CATSPERE: variants seen among roughly 807,000 people sequenced by gnomAD.
CATSPERE encodes catsper channel auxiliary subunit epsilon.
In CATSPERE, 93 loss-of-function variants were observed where a neutral mutation model predicts 114.1. That is an observed-to-expected ratio of 0.81 (90% CI 0.69 to 0.97). The LOEUF (loss-of-function observed/expected upper bound fraction) is 0.97, where lower values mean the gene tolerates loss of function less well. CATSPERE is among the 50% of genes least tolerant of loss of function. CATSPERE has a pLI of 0.00. For missense variants in CATSPERE, 1,058 were observed against 1,131.6 expected, an observed-to-expected ratio of 0.93 and a Z score of 0.93; for synonymous variants, 341 against 384.1, an observed-to-expected ratio of 0.89 and a Z score of 1.31.
chr1:244,463,355 A>G (rs891370922), intron 1 of CATSPERE, among the ~76,000 whole-genome samples: 1 of 152,036 alleles, frequency 6.6e-6, no homozygotes, highest in African/African-American at 2.4e-5. Context: ...TCGCAGCAAC[A>G]TGGCAAAACC....
chr1:244,499,204 G>A, intron 7 of CATSPERE, 125 bp downstream of exon 7: 1 of 574,770 alleles, frequency 1.7e-6, no homozygotes, highest in Non-Finnish European at 3.1e-6. Context: ...AAATACATTT[G>A]CATGATCCCT....
At chr1:244,518,004 C>T (rs1676921635) in intron 7 of CATSPERE, among the ~76,000 whole-genome samples, 1 of 151,984 alleles carries the variant, frequency 6.6e-6, no homozygotes, top group African/African-American at 2.4e-5. Context: ...CTAGACTAGC[C>T]CTCATCATCT....
intron 19 of CATSPERE, among the ~76,000 whole-genome samples, chr1:244,617,231 A>G (rs893080807): frequency 2.6e-5 from 4 of 152,210 alleles, no homozygotes; most frequent in Admixed American, 6.5e-5. Context: ...TCTGTCCCCA[A>G]TTAAGCATCT....
At chr1:244,549,506 C>A (rs1192664408) in intron 8 of CATSPERE, among the ~76,000 whole-genome samples, 2 of 152,020 alleles carry the variant, frequency 1.3e-5, no homozygotes, top group African/African-American at 2.4e-5. Flanking sequence ...TGTAACATAA[C>A]ATGTATTAAC....
At chr1:244,546,865 G>A (rs1257694520) in intron 8 of CATSPERE, among the ~76,000 whole-genome samples, 9 of 152,276 alleles carry the variant, frequency 5.9e-5, no homozygotes, top group South Asian at 2.1e-4. Flanking sequence ...AAATGCTTAC[G>A]TCATTGGGGT....
chr1:244,494,858 A>T (rs1179552184), intron 6 of CATSPERE, among the ~76,000 whole-genome samples: 2 of 152,230 alleles, frequency 1.3e-5, no homozygotes, highest in African/African-American at 4.8e-5. Context: ...ATGTGCCCAT[A>T]ACTACTCCTA....
intron 8 of CATSPERE, among the ~76,000 whole-genome samples, chr1:244,527,256 G>A (rs566862615): frequency 2.0e-5 from 3 of 152,214 alleles, no homozygotes; most frequent in Admixed American, 6.5e-5. Context: ...AGCTGCAACC[G>A]TAAAAGAGAG....
intron 9 of CATSPERE, among the ~76,000 whole-genome samples, chr1:244,559,994 A>T (rs1014336453): frequency 2.0e-5 from 3 of 151,960 alleles, no homozygotes; most frequent in South Asian, 2.1e-4. Context: ...TTTAATTTTT[A>T]TTTATTTATT....
intron 21 of CATSPERE, among the ~76,000 whole-genome samples, chr1:244,638,923 C>T (rs1245264282): frequency 6.6e-6 from 1 of 152,176 alleles, no homozygotes. Context: ...TTCATAACTG[C>T]CTTTTCTACC....
chr1:244,638,055 T>C (rs1674856266), intron 21 of CATSPERE, among the ~76,000 whole-genome samples: 1 of 152,218 alleles, frequency 6.6e-6, no homozygotes, highest in African/African-American at 2.4e-5. Flanking sequence ...AAATGAATTA[T>C]TCCTTCTCTC....
chr1:244,615,001 G>C (rs1344332192), intron 19 of CATSPERE, among the ~76,000 whole-genome samples: 1 of 151,912 alleles, frequency 6.6e-6, no homozygotes, highest in East Asian at 1.9e-4. Context: ...CTGGCACTCT[G>C]ATGAACGACC....
chr1:244,554,272 G>A (rs1445098892), intron 9 of CATSPERE, among the ~76,000 whole-genome samples: 3 of 152,120 alleles, frequency 2.0e-5, no homozygotes, highest in Non-Finnish European at 4.4e-5. Context: ...TTTTCATAGC[G>A]GTCGTACTAA....
Position 244,568,655 on chromosome 1 carries a change from G to A in CATSPERE, c.1508-3675G>A, listed in dbSNP as rs554945791. Among the ~76,000 whole-genome samples, 44 of 152,272 alleles carry A rather than the reference G, an allele frequency of 2.9e-4. 1 individual carries two copies. The highest frequency in any genetic ancestry group is 3.4e-3 in the Middle Eastern group (1 of 294). ...TTATTTCCACTGTGAGGGGAAAACC[G>A]CCTACTCAAGCCTCAGTAATGGCAG... On this transcript the variant is annotated intron_variant, in intron 10 of 21. Transcript: ENST00000366534. This position sits in a 1 kb window ranked among gnomAD's most constrained non-coding sequence, Gnocchi z 4.4.
At chr1:244,579,827 A>G (rs1011118989) in intron 11 of CATSPERE, among the ~76,000 whole-genome samples, 1 of 152,244 alleles carries the variant, frequency 6.6e-6, no homozygotes, top group Non-Finnish European at 1.5e-5. Flanking sequence ...AATAGTAATG[A>G]AAGTAACTAC....
chr1:244,487,448 C>T (rs1312823664), intron 5 of CATSPERE, among the ~76,000 whole-genome samples: 2 of 152,152 alleles, frequency 1.3e-5, no homozygotes, highest in African/African-American at 2.4e-5. Context: ...GAGGGTATTG[C>T]AGCCTCTACA....
At chr1:244,493,540 G>A (rs1268018136) in intron 6 of CATSPERE, among the ~76,000 whole-genome samples, 1 of 152,110 alleles carries the variant, frequency 6.6e-6, no homozygotes. Flanking sequence ...ATAGGCATGG[G>A]CAAGGACTTC....
chr1:244,605,035 G>A (rs1358582468), intron 17 of CATSPERE, among the ~76,000 whole-genome samples: 1 of 152,152 alleles, frequency 6.6e-6, no homozygotes, highest in South Asian at 2.1e-4. Context: ...GATCCAGGGA[G>A]CGTACAGGCT....
chr1:244,620,224 G>A (rs774405647), intron 20 of CATSPERE, among the ~76,000 whole-genome samples: 7 of 152,152 alleles, frequency 4.6e-5, no homozygotes, highest in African/African-American at 1.2e-4. Context: ...TCAACAGATC[G>A]CTGTTTCTTT....
chr1:244,557,203 G>A (rs1455938701), intron 9 of CATSPERE, among the ~76,000 whole-genome samples: 1 of 151,776 alleles, frequency 6.6e-6, no homozygotes, highest in African/African-American at 2.4e-5. Flanking sequence ...GCTCCTCAGG[G>A]TCTTTCATGG....
Sources: allele counts gnomAD v4.1 joint callset (sites outside exome capture counted in the v4.1 genomes callset), GRCh38; gene constraint gnomAD v4.1.1; non-coding constraint Gnocchi (gnomAD v3.1); transcripts MANE v1.5; gene names NCBI Gene and HGNC (gene_info 2026-07-23, HGNC 2026-07-21).